The following IL15 variants were observed in gnomAD, a reference collection of about 807,000 sequenced individuals.
The protein encoded by IL15 is interleukin 15.
Under a neutral mutation model 19.6 loss-of-function variants are expected in IL15, and 11 were observed. That is an observed-to-expected ratio of 0.56 (90% confidence interval 0.35 to 0.93). The LOEUF (loss-of-function observed/expected upper bound fraction) is 0.93. IL15 is among the 40% of genes least tolerant of loss of function. The pLI, the probability that IL15 is intolerant of heterozygous loss-of-function variation, is 0.01. For synonymous variants in IL15, 58 were observed against 59.6 expected, an observed-to-expected ratio of 0.97 and a Z score of 0.12; for missense variants, 197 against 186.5, an observed-to-expected ratio of 1.06 and a Z score of -0.33.
At chr4:141,722,164 T>A (rs1028556827) in intron 5 of IL15, among the ~76,000 whole-genome samples, 156 bp downstream of exon 5, 3 of 152,206 alleles carry the variant, frequency 2.0e-5, no homozygotes, top group Non-Finnish European at 4.4e-5. Flanking sequence ...AGTCTTTTCC[T>A]TACTGTTTTA....
intron 2 of IL15, among the ~76,000 whole-genome samples, chr4:141,712,631 T>C (rs2152186647): frequency 1.3e-5 from 2 of 148,206 alleles, no homozygotes; most frequent in African/African-American, 4.9e-5. Flanking sequence ...ATATATTAAA[T>C]ATTGTTTAAA....
At chr4:141,694,479 T>C (rs1729027241) in intron 2 of IL15, among the ~76,000 whole-genome samples, 1 of 152,152 alleles carries the variant, frequency 6.6e-6, no homozygotes, top group South Asian at 2.1e-4. Context: ...CTTTATCAAG[T>C]AATTTCAATG....
intron 2 of IL15, among the ~76,000 whole-genome samples, chr4:141,712,713 A>G (rs1002434660): frequency 6.1e-5 from 9 of 147,040 alleles, no homozygotes; most frequent in African/African-American, 2.2e-4. Flanking sequence ...TGTTTAATTA[A>G]TGCTTTTTGA....
At chr4:141,688,448 T>A (rs1728780376) in intron 2 of IL15, among the ~76,000 whole-genome samples, 1 of 152,136 alleles carries the variant, frequency 6.6e-6, no homozygotes, top group Admixed American at 6.5e-5. Context: ...TTGAAAAAAA[T>A]CTTACATTCA....
chr4:141,716,544 A>G (rs531415005), intron 2 of IL15: 1 of 152,596 alleles, frequency 6.6e-6, no homozygotes, highest in African/African-American at 2.4e-5. Context: ...TTTGATTTCA[A>G]AAGATGATGC....
chr4:141,690,415 A>G (rs1728872080), intron 2 of IL15, among the ~76,000 whole-genome samples: 1 of 152,088 alleles, frequency 6.6e-6, no homozygotes, highest in Non-Finnish European at 1.5e-5. Flanking sequence ...GCAGGCTGTC[A>G]CCTCTCACCA....
intron 2 of IL15, among the ~76,000 whole-genome samples, chr4:141,680,327 C>T (rs1270477515): frequency 2.0e-5 from 3 of 152,140 alleles, no homozygotes; most frequent in Non-Finnish European, 4.4e-5. Context: ...CCACCAATAA[C>T]GTGTCCAGAA....
At chr4:141,692,300 C>T (rs905299619) in intron 2 of IL15, among the ~76,000 whole-genome samples, 10 of 152,194 alleles carry the variant, frequency 6.6e-5, no homozygotes, top group African/African-American at 2.4e-4. Flanking sequence ...GTGTGGCTGC[C>T]TTGAAGATCT....
At chr4:141,644,218 C>A (rs778404192) in intron 1 of IL15, among the ~76,000 whole-genome samples, 12 of 151,940 alleles carry the variant, frequency 7.9e-5, no homozygotes, top group Non-Finnish European at 1.5e-4. Context: ...CCAGCCTGTT[C>A]TCAACATAGC....
At chr4:141,675,446 A>G (rs1290687971) in intron 2 of IL15, among the ~76,000 whole-genome samples, 1 of 152,190 alleles carries the variant, frequency 6.6e-6, no homozygotes, top group Non-Finnish European at 1.5e-5. Flanking sequence ...CAGCACTATA[A>G]GTCTCTGCAT....
chr4:141,669,836 A>G (rs1382945487), intron 2 of IL15, among the ~76,000 whole-genome samples: 1 of 151,762 alleles, frequency 6.6e-6, no homozygotes, highest in Non-Finnish European at 1.5e-5. Flanking sequence ...GTAGGACACC[A>G]AAAAAAGCTG....
At chr4:141,730,898 G>A (rs1426296978) in intron 7 of IL15, among the ~76,000 whole-genome samples, 1 of 152,134 alleles carries the variant, frequency 6.6e-6, no homozygotes, top group South Asian at 2.1e-4. Flanking sequence ...GTTAAAGAGG[G>A]AGGAAACAGA....
At chr4:141,711,916 C>G (rs1729728139) in intron 2 of IL15, among the ~76,000 whole-genome samples, 1 of 151,984 alleles carries the variant, frequency 6.6e-6, no homozygotes, top group African/African-American at 2.4e-5. Flanking sequence ...CTTGTAAGTA[C>G]CATGATCAGA....
chr4:141,706,467 C>T (rs551683493), intron 2 of IL15, among the ~76,000 whole-genome samples: 4 of 152,140 alleles, frequency 2.6e-5, no homozygotes, highest in African/African-American at 7.2e-5. Flanking sequence ...AACATTACAG[C>T]GCTAGGATAT....
At chr4:141,665,536 A>G (rs565353616) in intron 2 of IL15, among the ~76,000 whole-genome samples, 1 of 152,244 alleles carries the variant, frequency 6.6e-6, no homozygotes, top group East Asian at 1.9e-4. Flanking sequence ...TTCTTATGTC[A>G]ATTCTTATAT....
intron 2 of IL15, among the ~76,000 whole-genome samples, chr4:141,668,581 C>G (rs562716509): frequency 6.6e-6 from 1 of 152,296 alleles, no homozygotes; most frequent in South Asian, 2.1e-4. Context: ...AAGCATGCCA[C>G]CAAATCCACT....
chr4:141,678,903 T>C (rs1022032602), intron 2 of IL15, among the ~76,000 whole-genome samples: 6 of 152,212 alleles, frequency 3.9e-5, no homozygotes, highest in Non-Finnish European at 7.3e-5. Context: ...CCCGGCCTCA[T>C]TGATTTTAAA....
chr4:141,709,957 C>G (rs530465340), intron 2 of IL15, among the ~76,000 whole-genome samples: 1 of 151,792 alleles, frequency 6.6e-6, no homozygotes, highest in South Asian at 2.1e-4. Context: ...TGTCCAGTTT[C>G]TGTTTACCCC....
chr4:141,659,857 T>G (rs1239570731), intron 2 of IL15, among the ~76,000 whole-genome samples: 1 of 151,592 alleles, frequency 6.6e-6, no homozygotes, highest in Non-Finnish European at 1.5e-5. Context: ...TTTCTTTTTA[T>G]GAATTCTGTT....
Sources: gnomAD v4.1 joint callset for allele counts (sites outside exome capture counted in the v4.1 genomes callset) on GRCh38, gnomAD v4.1.1 for gene constraint, MANE v1.5 for transcripts, NCBI Gene and HGNC (gene_info 2026-07-23, HGNC 2026-07-21) for gene names.